COG2: variants seen among roughly 807,000 people sequenced by gnomAD.
The protein encoded by COG2 is conserved oligomeric Golgi complex subunit 2.
A neutral mutation model predicts 90.6 loss-of-function variants in COG2; 52 were observed. That is an observed-to-expected ratio of 0.57 (90% CI 0.46 to 0.72). The LOEUF (loss-of-function observed/expected upper bound fraction) is 0.72. Among genes scored for constraint, COG2 ranks in the 30% least tolerant of loss-of-function variants. The pLI is 0.00. For synonymous variants in COG2, 337 were observed against 320.4 expected (o/e 1.05, Z -0.55); for missense variants, 829 against 891.2 (o/e 0.93, Z 0.89).
chr1:230,681,609 T>G lies in COG2; in HGVS notation c.1167-1965T>G, dbSNP rs529488123. ...CTAGAGACCTTCCCCAGGCCTATAT[T>G]TAAGAATTTAGAAATGTTTGTATTT... is the stretch of plus-strand genomic sequence containing the variant. On this transcript the variant is annotated intron_variant, in intron 10 of 17. Transcript: ENST00000366669. 5 of 152,366 alleles carry G rather than the reference T, an allele frequency of 3.3e-5. No individual in the cohort carries two copies. The East Asian group carries it at 9.6e-4, about 29-fold the overall frequency. The allele number at this position is 152,366 out of a possible 1,614,324, so 9.4% of individuals were successfully genotyped here.
intron 12 of COG2, 68 bp from the exon 13 acceptor site, chr1:230,686,867 A>G: frequency 2.0e-6 from 2 of 1,005,444 alleles, no homozygotes; most frequent in Non-Finnish European, 2.9e-6. Context: ...ACGCGCACAT[A>G]TGTAATATAT....
At position 230,671,603 on chromosome 1, in the gene COG2, C is replaced by T. The variant is rs372883522; in HGVS notation, c.862C>T (p.Arg288Cys). ...KLLEFVPHHCRLLREVTGGAI... is the reference protein window; with the variant it reads ...KLLEFVPHHCCLLREVTGGAI... ...CCTGGAGTTTGTTCCTCACCATTGC[C>T]GCCTTCTTCGAGAAGTCACAGGAGG... is the stretch of plus-strand genomic sequence containing the variant. The change falls in exon 8 of 18, where the codon CGC (arginine) becomes TGC (cysteine). Residue 288 changes from arginine (R) to cysteine (C), a missense_variant. By Grantham distance (180) the Arg-to-Cys change is radical. Transcript: ENST00000366669. 19 of 1,613,674 alleles carry T rather than the reference C, an allele frequency of 1.2e-5. No individual in the cohort carries two copies. Among genetic ancestry groups the T allele is most frequent in the East Asian group, 2.2e-5 (1 of 44,868 alleles).
chr1:230,687,456 T>C (rs530812907), intron 13 of COG2, among the ~76,000 whole-genome samples: 3 of 152,326 alleles, frequency 2.0e-5, no homozygotes, highest in Admixed American at 6.5e-5. Flanking sequence ...ACTTTTTTTT[T>C]CCCATTAGCT....
intron 1 of COG2, among the ~76,000 whole-genome samples, chr1:230,647,658 A>C (rs1252506884): frequency 6.6e-6 from 1 of 152,008 alleles, no homozygotes; most frequent in Non-Finnish European, 1.5e-5. Context: ...GACACCTCCC[A>C]CCCCTTCACA....
At position 230,642,604 on chromosome 1, in the gene COG2, G is replaced by C; in HGVS notation, c.-3G>C. 2 of 1,611,326 alleles carry C rather than the reference G, an allele frequency of 1.2e-6. No individual in the cohort carries two copies. Among genetic ancestry groups the C allele is most frequent in the Non-Finnish European group, 1.7e-6 (2 of 1,178,928 alleles). The stretch of plus-strand genomic sequence containing the variant: ...TTGGCACTGAGAGGCGGTGGCCGGC[G>C]GGATGGAGAAAAGTAGGATGAACCT... On this transcript the variant is annotated 5_prime_UTR_variant, in exon 1 of 18. Coordinates refer to ENST00000366669, the MANE Select transcript of COG2 (RefSeq NM_007357.3).
chr1:230,678,378 T>C, intron 9 of COG2: 1 of 985,416 alleles, frequency 1.0e-6, no homozygotes, highest in South Asian at 4.7e-5. Flanking sequence ...AAGACAATTC[T>C]AATCACAGTG....
intron 10 of COG2, chr1:230,680,391 T>TGCAGCATCACCCTGGGACCCAC (rs1387387456): frequency 6.6e-6 from 1 of 152,576 alleles, no homozygotes; most frequent in Non-Finnish European, 1.5e-5. Flanking sequence ...CTGGGACCCA[T>TGCAGCATCACCCTGGGACCCAC]GCAGCATCAC....
At chr1:230,685,276 ATAAAAAT>A in intron 12 of COG2, 40 bp downstream of exon 12, 1 of 1,605,412 alleles carries the variant, frequency 6.2e-7, no homozygotes, top group Non-Finnish European at 8.5e-7. Context: ...ATCAATACTG[ATAAAAAT>A]TAAAGATATG....
intron 17 of COG2, 83 bp downstream of exon 17, chr1:230,691,647 C>T: frequency 1.6e-6 from 2 of 1,273,862 alleles, no homozygotes; most frequent in Non-Finnish European, 2.2e-6. Flanking sequence ...CTCGCGTGAT[C>T]CCAGAGATGC....
intron 1 of COG2, among the ~76,000 whole-genome samples, chr1:230,648,252 G>A (rs1476646073): frequency 6.6e-6 from 1 of 152,246 alleles, no homozygotes; most frequent in Non-Finnish European, 1.5e-5. Flanking sequence ...TTGGCCTGTA[G>A]ATGAGATACA....
intron 1 of COG2, among the ~76,000 whole-genome samples, chr1:230,653,939 T>TAAACTTA (rs1170376495): frequency 6.6e-6 from 1 of 150,958 alleles, no homozygotes; most frequent in Non-Finnish European, 1.5e-5. Flanking sequence ...GACCACTTCT[T>TAAACTTA]AAAGGTATCC....
Position 230,678,960 on chromosome 1 carries a change from T to A in COG2, c.1074T>A (p.Cys358Ter). 6.2e-7 allele frequency: 1 copy of A among 1,613,672 alleles called. No individual in the cohort carries two copies. The highest frequency in any genetic ancestry group is 8.5e-7 in the Non-Finnish European group (1 of 1,179,622). The change falls in exon 10 of 18, where the codon TGT becomes TGA. Residue 358 changes from cysteine (C) to a stop codon, truncating the protein, a stop_gained. Transcript: ENST00000366669. LOFTEE classifies it high-confidence loss of function. ...MDFVRRLERQCGSQASVKRLR... is the reference protein window; with the variant it reads ...MDFVRRLERQ ...TTGTCAGAAGATTGGAACGGCAGTG[T>A]GGATCACAGGCTAGTGTAAAGAGAT...
intron 11 of COG2, chr1:230,684,205 T>C (rs769808828): frequency 5.9e-4 from 90 of 152,416 alleles, no homozygotes; most frequent in Non-Finnish European, 1.2e-3. Context: ...TCATTTTCAT[T>C]CCTGAATATA....
intron 9 of COG2, chr1:230,678,305 GGAT>G (rs202170916): frequency 0.016 from 15,516 of 953,396 alleles, 135 homozygotes; most frequent in Non-Finnish European, 0.018. Flanking sequence ...TGTAAAATGG[GGAT>G]GATGATGATG....
intron 15 of COG2, among the ~76,000 whole-genome samples, chr1:230,689,018 G>GA (rs561247905): frequency 1.3e-5 from 2 of 151,518 alleles, no homozygotes; most frequent in African/African-American, 2.4e-5. Flanking sequence ...TATTTAGGGG[G>GA]AAAAAAAACT....
At chr1:230,643,213 T>C (rs1024715388) in intron 1 of COG2, among the ~76,000 whole-genome samples, 1 of 152,238 alleles carries the variant, frequency 6.6e-6, no homozygotes, top group Non-Finnish European at 1.5e-5. Context: ...AAACCATTAC[T>C]CTTTAAAGAA....
intron 1 of COG2, among the ~76,000 whole-genome samples, chr1:230,656,374 C>T (rs888436708): frequency 6.6e-6 from 1 of 151,808 alleles, no homozygotes; most frequent in Non-Finnish European, 1.5e-5. Flanking sequence ...ACCCAGTAGT[C>T]ATTCAGGAGC....
intron 7 of COG2, 39 bp downstream of exon 7, chr1:230,669,574 G>A: frequency 6.3e-7 from 1 of 1,578,682 alleles, no homozygotes; most frequent in South Asian, 1.1e-5. Context: ...ATGAGCTTCT[G>A]TTCTGTCTTT....
chr1:230,662,765 G>A (rs978219477), intron 3 of COG2, among the ~76,000 whole-genome samples: 2 of 152,006 alleles, frequency 1.3e-5, no homozygotes, highest in African/African-American at 4.8e-5. Flanking sequence ...TTCCTGCCTT[G>A]TCTTCTGATA....
Sources: allele counts gnomAD v4.1 joint callset (sites outside exome capture counted in the v4.1 genomes callset), GRCh38; gene constraint gnomAD v4.1.1; transcripts MANE v1.5; gene names NCBI Gene and HGNC (gene_info 2026-07-23, HGNC 2026-07-21).